The following ADAMTSL1 variants were observed in gnomAD, a reference collection of about 807,000 sequenced individuals.
ADAMTSL1 encodes ADAMTS like 1, also known as ADAMTS-like protein 1.
ADAMTSL1 carries 126 observed loss-of-function variants against 201.8 expected under a neutral mutation model. The ratio of observed to expected loss-of-function variants is 0.62; its 90% CI spans 0.54 to 0.72. The LOEUF (loss-of-function observed/expected upper bound fraction) is 0.72. Ranked by LOEUF, ADAMTSL1 falls within the 30% of genes least tolerant of loss-of-function variation. The probability of loss-of-function intolerance (pLI) is 0.00; values close to 1 mark genes in which losing one functional copy is unlikely to be tolerated. For missense variants in ADAMTSL1, 2,679 were observed against 2,277.8 expected, an observed-to-expected ratio of 1.18 and a Z score of -3.59; for synonymous variants, 1,121 against 903.4, an observed-to-expected ratio of 1.24 and a Z score of -4.32.
At chr9:18,056,785 C>T (rs1822208626) in intron 1 of ADAMTSL1, among the ~76,000 whole-genome samples, 1 of 152,124 alleles carries the variant, frequency 6.6e-6, no homozygotes, top group South Asian at 2.1e-4. Context: ...CTCTAGACCT[C>T]AAAGAGGAAC....
chr9:18,300,556 C>T (rs899398877), intron 2 of ADAMTSL1, among the ~76,000 whole-genome samples: 1 of 152,124 alleles, frequency 6.6e-6, no homozygotes, highest in East Asian at 1.9e-4. Context: ...TACACGTATA[C>T]CTATGTATCA....
chr9:18,603,339 CTATA>C (rs1824782781), intron 4 of ADAMTSL1, among the ~76,000 whole-genome samples: 17 of 149,732 alleles, frequency 1.1e-4, no homozygotes, highest in Admixed American at 3.3e-4. Context: ...GTCTCCAAAG[CTATA>C]TGCTATGCTA....
intron 1 of ADAMTSL1, among the ~76,000 whole-genome samples, chr9:18,000,262 A>C (rs1013440936): frequency 6.6e-6 from 1 of 150,398 alleles, no homozygotes; most frequent in Non-Finnish European, 1.5e-5. Flanking sequence ...CCTCTCCAGC[A>C]CCTGTTGTTT....
intron 20 of ADAMTSL1, among the ~76,000 whole-genome samples, chr9:18,804,540 T>C (rs894816793): frequency 1.2e-4 from 18 of 152,242 alleles, no homozygotes; most frequent in African/African-American, 3.9e-4. Flanking sequence ...GCAACTCTTA[T>C]GGGAATTGTC....
chr9:18,868,890 G>A (rs1827709226), intron 23 of ADAMTSL1, among the ~76,000 whole-genome samples: 1 of 152,122 alleles, frequency 6.6e-6, no homozygotes. Context: ...GTTATGTGTT[G>A]AATTGTATCC....
At chr9:18,680,595 C>G in intron 11 of ADAMTSL1, 79 bp downstream of exon 11, 1 of 1,499,754 alleles carries the variant, frequency 6.7e-7, no homozygotes, top group Admixed American at 1.7e-5. Context: ...CACCGGGTAC[C>G]CTGAGCAGCT....
chr9:17,972,770 A>C (rs1302703311), intron 1 of ADAMTSL1, among the ~76,000 whole-genome samples: 6 of 144,884 alleles, frequency 4.1e-5, no homozygotes, highest in Non-Finnish European at 7.6e-5. Context: ...ACTAGTTTAT[A>C]GTCCCACCAA....
intron 2 of ADAMTSL1, among the ~76,000 whole-genome samples, chr9:18,282,200 T>C (rs749770925): frequency 1.3e-5 from 2 of 152,212 alleles, no homozygotes; most frequent in Non-Finnish European, 2.9e-5. Context: ...TCACTTGGTA[T>C]AATGGCTACC....
chr9:18,496,417 T>C (rs970248273), intron 1 of ADAMTSL1, among the ~76,000 whole-genome samples: 2 of 152,240 alleles, frequency 1.3e-5, no homozygotes. Flanking sequence ...CATCCAATCA[T>C]GAGTATAGGA....
chr9:18,374,288 G>A (rs1014207391), intron 2 of ADAMTSL1, among the ~76,000 whole-genome samples: 14 of 151,612 alleles, frequency 9.2e-5, no homozygotes, highest in Non-Finnish European at 1.6e-4. Flanking sequence ...AGGGGACTAT[G>A]CATTGACAGA....
chr9:17,961,192 C>G (rs910950376), intron 1 of ADAMTSL1, among the ~76,000 whole-genome samples: 2 of 152,046 alleles, frequency 1.3e-5, no homozygotes, highest in African/African-American at 4.8e-5. Flanking sequence ...TTTTTAATCT[C>G]TCTGAGGCTG....
chr9:18,720,733 A>C (rs1418454334), intron 14 of ADAMTSL1, among the ~76,000 whole-genome samples: 1 of 152,196 alleles, frequency 6.6e-6, no homozygotes, highest in Non-Finnish European at 1.5e-5. Context: ...CAGTGAGCTG[A>C]GATCGTGCCA....
At chr9:18,908,362 C>G in intron 28 of ADAMTSL1, 80 bp from the exon 29 acceptor site, 4 of 1,252,924 alleles carry the variant, frequency 3.2e-6, no homozygotes, top group Non-Finnish European at 4.5e-6. Context: ...CCCGGCTGCA[C>G]CTCACACAGG....
chr9:18,523,041 G>T lies in ADAMTSL1; in HGVS notation c.192-10206G>T, dbSNP rs1587450636. Among the ~76,000 whole-genome samples, 3 of 152,230 alleles carry T rather than the reference G, an allele frequency of 2.0e-5. No homozygotes were observed. The South Asian group carries it at 6.2e-4, about 32-fold the overall frequency. On this transcript the variant is annotated intron_variant, in intron 2 of 28. Coordinates refer to ENST00000380548, the MANE Select transcript of ADAMTSL1 (RefSeq NM_001040272.6). The stretch of plus-strand genomic sequence containing the variant: ...ACTGTCTTCCACAATGGTTGAACCA[G>T]TTTACACTCCCACCAATAGTGTAAA...
intron 2 of ADAMTSL1, among the ~76,000 whole-genome samples, chr9:18,336,659 A>G (rs1281335010): frequency 2.6e-5 from 4 of 152,160 alleles, no homozygotes; most frequent in Admixed American, 6.6e-5. Context: ...TACAAAAAGT[A>G]AAAGGAACTC....
chr9:17,921,263 C>T (rs1311231065), intron 1 of ADAMTSL1, among the ~76,000 whole-genome samples: 1 of 152,112 alleles, frequency 6.6e-6, no homozygotes. Flanking sequence ...TCACTCATCT[C>T]CCTCTTCTTT....
rs137982739 is a variant in ADAMTSL1, at chr9:18,626,835, T to G, written c.601+4466T>G. 5.2e-3 allele frequency among the ~76,000 whole-genome samples: 633 copies of G among 120,840 alleles called. 6 individuals are homozygous for G. The highest frequency in any genetic ancestry group is 0.018 in the African/African-American group (603 of 33,432). The allele number at this position is 120,840 out of a possible 152,430, so 79.3% of individuals were successfully genotyped here. Reference sequence around the variant, plus strand: ...TTTCTTTCTTTCTTTCTTTCTTACTTTCTTTTTCTTTCTTTCTTTCTTTCT... The same window carrying G: ...TTTCTTTCTTTCTTTCTTTCTTACTGTCTTTTTCTTTCTTTCTTTCTTTCT... On this transcript the variant is annotated intron_variant, in intron 5 of 28. Coordinates refer to ENST00000380548, the MANE Select transcript of ADAMTSL1 (RefSeq NM_001040272.6).
At chr9:18,557,099 A>G (rs1188528800) in intron 3 of ADAMTSL1, among the ~76,000 whole-genome samples, 1 of 151,978 alleles carries the variant, frequency 6.6e-6, no homozygotes. Context: ...CTTTCCCCTC[A>G]TTCCAAAGTC....
intron 1 of ADAMTSL1, among the ~76,000 whole-genome samples, chr9:18,480,271 A>G (rs1183870936): frequency 6.6e-6 from 1 of 152,200 alleles, no homozygotes; most frequent in Non-Finnish European, 1.5e-5. Flanking sequence ...ACTGGATGGT[A>G]CTATGTAATT....
Sources: gnomAD v4.1 joint callset for allele counts (sites outside exome capture counted in the v4.1 genomes callset) on GRCh38, gnomAD v4.1.1 for gene constraint, MANE v1.5 for transcripts, NCBI Gene and HGNC (gene_info 2026-07-23, HGNC 2026-07-21) for gene names.